ZNF829: variants seen among roughly 807,000 people sequenced by gnomAD.
ZNF829 encodes the protein zinc finger protein 829.
ZNF829 carries 25 observed loss-of-function variants against 35.2 expected under a neutral mutation model. The ratio of observed to expected loss-of-function variants is 0.71; its 90% confidence interval spans 0.52 to 0.99. ZNF829 has a LOEUF of 0.99. Ranked by LOEUF, ZNF829 falls within the 50% of genes least tolerant of loss-of-function variation. The probability of loss-of-function intolerance (pLI) is 0.00; values close to 1 mark genes in which losing one functional copy is unlikely to be tolerated. For missense variants in ZNF829, 417 were observed against 515.3 expected (o/e 0.81, Z 1.85); for synonymous variants, 136 against 163.2 (o/e 0.83, Z 1.27).
intron 5 of ZNF829, among the ~76,000 whole-genome samples, chr19:36,900,206 T>G: frequency 6.8e-6 from 1 of 147,358 alleles, no homozygotes; most frequent in Non-Finnish European, 1.5e-5. Flanking sequence ...ACAAATTTGC[T>G]GGGCGTGGTG....
At position 36,891,350 on chromosome 19, in the gene ZNF829, G is replaced by T; in HGVS notation, c.*142C>A. ...TCTTGTTTTAAGCCACCAAGGTTTT[G>T]GTACTTGGTACTTTGTTATCGTATC... On this transcript the variant is annotated 3_prime_UTR_variant, in exon 6 of 6. Transcript: ENST00000391711. The T allele has an allele frequency of 3.8e-6, 3 of 783,844 alleles. No individual in the cohort carries two copies. Among genetic ancestry groups the T allele is most frequent in the Non-Finnish European group, 5.6e-6 (3 of 532,648 alleles). 48.6% of individuals were successfully genotyped at this position (783,844 alleles called of 1,614,324 possible).
intron 5 of ZNF829, among the ~76,000 whole-genome samples, chr19:36,899,004 A>C (rs1296749756): frequency 5.3e-5 from 8 of 152,340 alleles, no homozygotes; most frequent in African/African-American, 1.9e-4. Flanking sequence ...AAAAATAGAC[A>C]AATTGGACTA....
intron 5 of ZNF829, among the ~76,000 whole-genome samples, chr19:36,897,529 G>A (rs879858695): frequency 6.6e-6 from 1 of 152,034 alleles, no homozygotes; most frequent in Admixed American, 6.6e-5. Flanking sequence ...ACCTCTCAAC[G>A]ATTAGGCATT....
chr19:36,905,112 C>T (rs1039243622), intron 5 of ZNF829, among the ~76,000 whole-genome samples: 5 of 152,128 alleles, frequency 3.3e-5, no homozygotes, highest in Non-Finnish European at 2.9e-5. Flanking sequence ...GATCAATTTC[C>T]ACTTCCATAT....
intron 5 of ZNF829, among the ~76,000 whole-genome samples, chr19:36,894,104 G>T (rs981228472): frequency 3.3e-5 from 5 of 151,882 alleles, no homozygotes; most frequent in Non-Finnish European, 7.4e-5. Flanking sequence ...ACCATTGTTG[G>T]CCCTGCTAAC....
At chr19:36,892,986 G>A (rs560465611) in intron 5 of ZNF829, 29 of 423,550 alleles carry the variant, frequency 6.8e-5, no homozygotes, top group African/African-American at 5.1e-4. Flanking sequence ...TGCACCATGC[G>A]TGAGATATTC....
intron 5 of ZNF829, among the ~76,000 whole-genome samples, chr19:36,893,335 A>C (rs2073080170): frequency 6.6e-6 from 1 of 152,196 alleles, no homozygotes; most frequent in South Asian, 2.1e-4. Context: ...GAAAGAAATG[A>C]ATAATTCAAG....
intron 5 of ZNF829, chr19:36,901,642 TGTGTGATTGTA>T (rs2073166900): frequency 3.6e-6 from 1 of 278,554 alleles, no homozygotes; most frequent in Admixed American, 5.1e-5. Flanking sequence ...GCTATCCAAG[TGTGTGATTGTA>T]GTGCAAAGAC....
intron 5 of ZNF829, among the ~76,000 whole-genome samples, chr19:36,904,524 C>G (rs1272401844): frequency 5.9e-5 from 9 of 152,102 alleles, no homozygotes; most frequent in Admixed American, 5.2e-4. Context: ...CTTGGCCTCC[C>G]AAGTAGCTGG....
At chr19:36,897,857 T>C (rs1033496000) in intron 5 of ZNF829, among the ~76,000 whole-genome samples, 3 of 152,152 alleles carry the variant, frequency 2.0e-5, no homozygotes, top group African/African-American at 7.2e-5. Flanking sequence ...AGTTGCAAGA[T>C]ACAAAATCAA....
rs945051816 is a variant in ZNF829, at chr19:36,889,027, C to T, written c.*2465G>A. ...CATCATGTGATCTGCCCGCCTTGGC[C>T]TTGCAAAGTGCTGGGATTACAGGTG... is the stretch of plus-strand genomic sequence containing the variant. On this transcript the variant is annotated 3_prime_UTR_variant, in exon 6 of 6. Coordinates refer to ENST00000391711, the MANE Select transcript of ZNF829 (RefSeq NM_001037232.4). The T allele has an allele frequency of 2.0e-5, 3 of 152,170 alleles. No homozygotes were observed. The highest frequency in any genetic ancestry group is 7.2e-5 in the African/African-American group (3 of 41,432). The allele number at this position is 152,170 out of a possible 1,614,324, so 9.4% of individuals were successfully genotyped here.
At chr19:36,896,749 A>AAAAATTG (rs1361867584) in intron 5 of ZNF829, among the ~76,000 whole-genome samples, 1 of 152,252 alleles carries the variant, frequency 6.6e-6, no homozygotes, top group Non-Finnish European at 1.5e-5. Flanking sequence ...ACTAATTTTT[A>AAAAATTG]AAAATTGAAA....
intron 5 of ZNF829, chr19:36,906,650 G>A (rs2073217646): frequency 6.6e-6 from 1 of 151,994 alleles, no homozygotes; most frequent in Non-Finnish European, 1.5e-5. Context: ...TAAAAGAAAT[G>A]TGTACATACA....
Position 36,892,085 on chromosome 19 carries a change from C to T in ZNF829, c.706G>A (p.Gly236Ser), listed in dbSNP as rs763457141. 2 of 1,614,028 alleles carry T rather than the reference C, an allele frequency of 1.2e-6. No homozygotes were observed. The highest frequency in any genetic ancestry group is 1.7e-6 in the Non-Finnish European group (2 of 1,179,990). The change falls in exon 6 of 6, where the codon GGT becomes AGT. Residue 236 changes from glycine to serine, a missense_variant. Physicochemically the swap from Gly to Ser is moderately conservative, Grantham distance 56. Coordinates refer to ENST00000391711, the MANE Select transcript of ZNF829 (RefSeq NM_001037232.4). ...TCCTTACATTCATAGGGTTTCTCACCAGTGTGAATCCTCTGATGTTGAGAA... is the reference window on the plus strand; with the variant it reads ...TCCTTACATTCATAGGGTTTCTCACTAGTGTGAATCCTCTGATGTTGAGAA... The part of the protein sequence containing the change: ...YFSQHQRIHT[G>S]EKPYECKECG...
intron 5 of ZNF829, among the ~76,000 whole-genome samples, chr19:36,897,764 T>G (rs2073126214): frequency 6.6e-6 from 1 of 152,186 alleles, no homozygotes; most frequent in Non-Finnish European, 1.5e-5. Context: ...CACTGTCCCT[T>G]TACAGATGAC....
At chr19:36,908,095 T>C in intron 4 of ZNF829, 71 bp from the exon 5 acceptor site, 8 of 1,388,306 alleles carry the variant, frequency 5.8e-6, no homozygotes, top group South Asian at 1.3e-5. Context: ...AGTCCCTTAG[T>C]GATCAAAGGA....
At chr19:36,904,750 G>A (rs1367987941) in intron 5 of ZNF829, among the ~76,000 whole-genome samples, 1 of 151,978 alleles carries the variant, frequency 6.6e-6, no homozygotes, top group Non-Finnish European at 1.5e-5. Context: ...TTCAAACTCT[G>A]TAAATATATT....
At chr19:36,909,039 AGCTACTAG>A (rs754575587) in intron 3 of ZNF829, among the ~76,000 whole-genome samples, 2 of 152,192 alleles carry the variant, frequency 1.3e-5, no homozygotes, top group Non-Finnish European at 2.9e-5. Flanking sequence ...TTTCTTAGGA[AGCTACTAG>A]GCTACATGTT....
intron 5 of ZNF829, 134 bp from the exon 6 acceptor site, chr19:36,892,605 G>C: frequency 1.1e-6 from 1 of 943,598 alleles, no homozygotes; most frequent in South Asian, 1.8e-5. Context: ...GAGGCAATCT[G>C]TAAAACTGAC....
Sources: allele counts gnomAD v4.1 joint callset (sites outside exome capture counted in the v4.1 genomes callset), GRCh38; gene constraint gnomAD v4.1.1; transcripts MANE v1.5; gene names NCBI Gene and HGNC (gene_info 2026-07-23, HGNC 2026-07-21).